The following SPTLC3 variants were observed in gnomAD, a reference collection of about 807,000 sequenced individuals.
SPTLC3 encodes the protein serine palmitoyltransferase long chain base subunit 3.
A neutral mutation model predicts 59.3 loss-of-function variants in SPTLC3; 36 were observed. The ratio of observed to expected loss-of-function variants is 0.61; its 90% CI spans 0.47 to 0.80. SPTLC3 has a LOEUF of 0.80. Ranked by LOEUF, SPTLC3 falls within the 30% of genes least tolerant of loss-of-function variation. The pLI, the probability that SPTLC3 is intolerant of heterozygous loss-of-function variation, is 0.00. For synonymous variants in SPTLC3, 257 were observed against 240.8 expected, an observed-to-expected ratio of 1.07 and a Z score of -0.62; for missense variants, 625 against 685.1, an observed-to-expected ratio of 0.91 and a Z score of 0.98.
In SPTLC3 at chr20:13,165,772, G is replaced by T. The variant is rs926116642; in HGVS notation, c.*905G>T. On this transcript the variant is annotated 3_prime_UTR_variant, in exon 12 of 12. Coordinates refer to ENST00000399002, the MANE Select transcript of SPTLC3 (RefSeq NM_018327.4). ...GTGAAATTCAGTGTCCTTTAGAATC[G>T]ACTCCCAAGACTATATTTGAAGAAT... is the stretch of plus-strand genomic sequence containing the variant. The T allele has an allele frequency of 1.3e-5, 2 of 152,072 alleles. No individual in the cohort carries two copies. Among genetic ancestry groups the T allele is most frequent in the African/African-American group, 4.8e-5 (2 of 41,384 alleles). 9.4% of individuals were successfully genotyped at this position (152,072 alleles called of 1,614,324 possible).
At chr20:13,148,010 G>A (rs1335620231) in intron 9 of SPTLC3, among the ~76,000 whole-genome samples, 1 of 152,182 alleles carries the variant, frequency 6.6e-6, no homozygotes, top group Non-Finnish European at 1.5e-5. Context: ...CTTTTGCTTA[G>A]GATTACGGGG....
chr20:13,159,178 C>T (rs2038840130), intron 10 of SPTLC3, among the ~76,000 whole-genome samples: 1 of 152,172 alleles, frequency 6.6e-6, no homozygotes, highest in East Asian at 1.9e-4. Flanking sequence ...AAGAAATAGA[C>T]TAGAAGGATA....
intron 1 of SPTLC3, among the ~76,000 whole-genome samples, chr20:13,010,240 G>A (rs1985168187): frequency 6.6e-6 from 1 of 152,064 alleles, no homozygotes; most frequent in African/African-American, 2.4e-5. Context: ...TGCCTGAGGA[G>A]CAAGCCCAAG....
chr20:13,091,244 A>G (rs1463727622), intron 5 of SPTLC3, 37 bp downstream of exon 5: 1 of 1,602,216 alleles, frequency 6.2e-7, no homozygotes, highest in African/African-American at 1.3e-5. Context: ...CTACTGTATT[A>G]CTCCTAAGAA....
chr20:13,097,719 G>T (rs964399353), intron 6 of SPTLC3, among the ~76,000 whole-genome samples: 1 of 152,056 alleles, frequency 6.6e-6, no homozygotes, highest in Non-Finnish European at 1.5e-5. Context: ...CCTGTCACCA[G>T]ACAACCCCAA....
At chr20:13,009,738 C>T (rs1176811877) in intron 1 of SPTLC3, among the ~76,000 whole-genome samples, 3 of 152,176 alleles carry the variant, frequency 2.0e-5, no homozygotes, top group African/African-American at 7.2e-5. Flanking sequence ...CTGCTACAAC[C>T]GTCATGCTTC....
chr20:13,081,816 T>C (rs577592171), intron 4 of SPTLC3, among the ~76,000 whole-genome samples: 1 of 152,314 alleles, frequency 6.6e-6, no homozygotes. Flanking sequence ...AATGAGATTT[T>C]ATTGCATTTC....
At chr20:13,061,606 C>T (rs182197289) in intron 2 of SPTLC3, among the ~76,000 whole-genome samples, 1 of 152,290 alleles carries the variant, frequency 6.6e-6, no homozygotes. Context: ...GGCAACTCCA[C>T]CAGTCCAGGT....
chr20:13,073,308 T>C (rs1988515882), intron 3 of SPTLC3, among the ~76,000 whole-genome samples: 1 of 152,184 alleles, frequency 6.6e-6, no homozygotes, highest in African/African-American at 2.4e-5. Context: ...ATGTGATATT[T>C]GACTGCTGTG....
At chr20:13,112,504 AC>A (rs1475949034) in intron 7 of SPTLC3, among the ~76,000 whole-genome samples, 1 of 152,130 alleles carries the variant, frequency 6.6e-6, no homozygotes, top group Non-Finnish European at 1.5e-5. Context: ...GGTGAAATAG[AC>A]CCTACCCCCT....
At chr20:13,058,290 T>C (rs115606843) in intron 2 of SPTLC3, among the ~76,000 whole-genome samples, 194 of 152,312 alleles carry the variant, frequency 1.3e-3, no homozygotes, top group African/African-American at 4.5e-3. Context: ...ATGAGGTCCA[T>C]TAAGGTGACT....
At chr20:13,131,557 C>T (rs2038120604) in intron 9 of SPTLC3, among the ~76,000 whole-genome samples, 1 of 152,122 alleles carries the variant, frequency 6.6e-6, no homozygotes, top group South Asian at 2.1e-4. Flanking sequence ...ATAGCTTTAC[C>T]CACCCTGGAG....
intron 4 of SPTLC3, 77 bp from the exon 5 acceptor site, chr20:13,091,006 A>T: frequency 6.3e-7 from 1 of 1,578,424 alleles, no homozygotes; most frequent in African/African-American, 1.3e-5. Context: ...GGTGATGTGT[A>T]CGTACTGGAA....
In SPTLC3 at chr20:13,009,334, G is replaced by A; in HGVS notation, c.67G>A (p.Gly23Ser). ...KLHNHKKQSN[G>S]SQSRNCTKNG... The stretch of plus-strand genomic sequence containing the variant: ...TCACAATCACAAGAAACAGAGCAAT[G>A]GCTCACAAAGCAGAAACTGCACAAA... Residue 23 changes from glycine (G) to serine (S), a missense_variant, in exon 1 of 12, where the codon GGC becomes AGC. Transcript: ENST00000399002. The A allele has an allele frequency of 6.2e-7, 1 of 1,614,058 alleles. No homozygotes were observed. The highest frequency in any genetic ancestry group is 1.6e-4 in the Middle Eastern group (1 of 6,062).
chr20:13,105,069 C>T (rs1270370259), intron 6 of SPTLC3, among the ~76,000 whole-genome samples: 1 of 152,090 alleles, frequency 6.6e-6, no homozygotes, highest in African/African-American at 2.4e-5. Flanking sequence ...TCCCATAAGG[C>T]CTACAGAACA....
intron 1 of SPTLC3, among the ~76,000 whole-genome samples, chr20:13,034,053 G>T (rs1167338028): frequency 6.6e-6 from 1 of 152,210 alleles, no homozygotes; most frequent in African/African-American, 2.4e-5. Flanking sequence ...ATTTGATACT[G>T]CTTAGGCAAT....
chr20:13,025,654 C>G (rs1440928603), intron 1 of SPTLC3, among the ~76,000 whole-genome samples: 10 of 152,212 alleles, frequency 6.6e-5, no homozygotes, highest in Non-Finnish European at 1.5e-4. Flanking sequence ...TTATGTCCCT[C>G]TCTGCCCCTT....
Position 13,009,245 on chromosome 20 carries a change from C to A in SPTLC3, c.-23C>A. On this transcript the variant is annotated 5_prime_UTR_variant, in exon 1 of 12. Coordinates refer to ENST00000399002, the MANE Select transcript of SPTLC3 (RefSeq NM_018327.4). ...AGAGACCTCTGAAGGAAAACCTGTC[C>A]CGGGCTCTGTCACTTCACACCCATG... 1.2e-6 allele frequency: 2 copies of A among 1,605,334 alleles called. No homozygotes were observed. Among genetic ancestry groups the A allele is most frequent in the Non-Finnish European group, 1.7e-6 (2 of 1,172,222 alleles).
At chr20:13,093,978 G>A (rs549297066) in intron 6 of SPTLC3, among the ~76,000 whole-genome samples, 2 of 152,262 alleles carry the variant, frequency 1.3e-5, no homozygotes, top group East Asian at 3.9e-4. Flanking sequence ...TTAGAAGAAT[G>A]CCTCCTTTCA....
Sources: allele counts gnomAD v4.1 joint callset (sites outside exome capture counted in the v4.1 genomes callset), GRCh38; gene constraint gnomAD v4.1.1; transcripts MANE v1.5; gene names NCBI Gene and HGNC (gene_info 2026-07-23, HGNC 2026-07-21).